The following NBEA variants were observed in gnomAD, a reference collection of about 807,000 sequenced individuals.
NBEA encodes the protein lysosomal-trafficking regulator 2.
A neutral mutation model predicts 343.4 loss-of-function variants in NBEA; 44 were observed. That is an observed-to-expected ratio of 0.13 (90% CI 0.10 to 0.16). The LOEUF is 0.16. Ranked by LOEUF, NBEA falls within the 10% of genes least tolerant of loss-of-function variation. NBEA has a pLI of 1.00. For missense variants in NBEA, 2,555 were observed against 3,631.3 expected (o/e 0.70, Z 7.62); for synonymous variants, 1,175 against 1,238.7 (o/e 0.95, Z 1.08).
chr13:35,341,816 G>C (rs1239709926), intron 36 of NBEA, among the ~76,000 whole-genome samples: 1 of 152,002 alleles, frequency 6.6e-6, no homozygotes, highest in African/African-American at 2.4e-5. Flanking sequence ...AAAGAGTTTG[G>C]CTGTTACTCG....
intron 34 of NBEA, among the ~76,000 whole-genome samples, chr13:35,240,508 A>T (rs1214359203): frequency 6.6e-6 from 1 of 151,946 alleles, no homozygotes; most frequent in Non-Finnish European, 1.5e-5. Context: ...TTAAATCTGT[A>T]TATTCAACGT....
At chr13:35,475,780 G>A in intron 41 of NBEA, 1 of 1,613,896 alleles carries the variant, frequency 6.2e-7, no homozygotes, top group Non-Finnish European at 8.5e-7. Context: ...GAGGTAGCCG[G>A]AGGCGGTAAT....
chr13:35,413,779 A>G (rs2043731800), intron 38 of NBEA, among the ~76,000 whole-genome samples: 1 of 152,130 alleles, frequency 6.6e-6, no homozygotes, highest in African/African-American at 2.4e-5. Flanking sequence ...GTATAGCCAC[A>G]CTCATGAACA....
intron 1 of NBEA, among the ~76,000 whole-genome samples, chr13:34,993,687 G>C (rs2060838898): frequency 6.6e-6 from 1 of 152,158 alleles, no homozygotes; most frequent in Admixed American, 6.5e-5. Context: ...ACAACATAGA[G>C]TAGTGCCGAC....
intron 48 of NBEA, among the ~76,000 whole-genome samples, chr13:35,614,456 T>C (rs959767138): frequency 2.6e-5 from 4 of 152,326 alleles, no homozygotes; most frequent in Non-Finnish European, 5.9e-5. Context: ...CCAATGAAAA[T>C]TGGTTGTTTA....
At chr13:35,300,653 A>G (rs1321996544) in intron 35 of NBEA, among the ~76,000 whole-genome samples, 2 of 152,148 alleles carry the variant, frequency 1.3e-5, no homozygotes, top group African/African-American at 2.4e-5. Flanking sequence ...CCTTACTCCT[A>G]TGGAAAAGGG....
intron 35 of NBEA, among the ~76,000 whole-genome samples, chr13:35,295,839 CA>C (rs1357379511): frequency 1.3e-5 from 2 of 152,200 alleles, no homozygotes; most frequent in Admixed American, 1.3e-4. Flanking sequence ...GCATATAATT[CA>C]AATTACTTTT....
intron 10 of NBEA, among the ~76,000 whole-genome samples, chr13:35,092,960 T>C (rs911025409): frequency 1.3e-5 from 2 of 152,000 alleles, no homozygotes; most frequent in Admixed American, 1.3e-4. Context: ...TACAAATGAA[T>C]GGGTATACAA....
At chr13:35,308,054 A>T (rs1228723817) in intron 35 of NBEA, among the ~76,000 whole-genome samples, 3 of 151,884 alleles carry the variant, frequency 2.0e-5, no homozygotes, top group Non-Finnish European at 4.4e-5. Context: ...TCCTTGGGAG[A>T]TTCAGGATTT....
chr13:34,986,907 C>G (rs1197732232), intron 1 of NBEA, among the ~76,000 whole-genome samples: 1 of 150,842 alleles, frequency 6.6e-6, no homozygotes, highest in Admixed American at 6.6e-5. Flanking sequence ...CTCTGTGTGT[C>G]TCTGCACATG....
At chr13:34,971,948 A>G (rs746998787) in intron 1 of NBEA, among the ~76,000 whole-genome samples, 1 of 151,998 alleles carries the variant, frequency 6.6e-6, no homozygotes, top group African/African-American at 2.4e-5. Context: ...GTCTGGTAGA[A>G]TTCAGCTGTG....
chr13:35,478,293 A>C (rs1035201674), intron 41 of NBEA, among the ~76,000 whole-genome samples: 2 of 152,232 alleles, frequency 1.3e-5, no homozygotes, highest in African/African-American at 4.8e-5. Flanking sequence ...TCTATTTCCC[A>C]AGAACCTTCC....
At chr13:35,199,397 A>G (rs568429825) in intron 31 of NBEA, among the ~76,000 whole-genome samples, 129 of 152,282 alleles carry the variant, frequency 8.5e-4, no homozygotes, top group Middle Eastern at 6.8e-3. Context: ...CACAGAATCT[A>G]TCATGGGTCT....
chr13:35,054,006 C>T (rs2063155898), intron 6 of NBEA, among the ~76,000 whole-genome samples: 2 of 152,010 alleles, frequency 1.3e-5, no homozygotes, highest in African/African-American at 4.8e-5. Context: ...AGTACATTAT[C>T]TGGAGTAGTA....
intron 49 of NBEA, among the ~76,000 whole-genome samples, chr13:35,640,571 T>A (rs533531456): frequency 6.6e-6 from 1 of 152,208 alleles, no homozygotes; most frequent in Non-Finnish European, 1.5e-5. Context: ...GGGACTCCCA[T>A]GAAGATGTCA....
intron 46 of NBEA, among the ~76,000 whole-genome samples, chr13:35,591,438 A>G (rs1483119339): frequency 6.6e-6 from 1 of 152,084 alleles, no homozygotes; most frequent in South Asian, 2.1e-4. Flanking sequence ...TTCTAACTTA[A>G]TTTCACTAAC....
intron 44 of NBEA, among the ~76,000 whole-genome samples, chr13:35,564,602 G>A (rs1419876076): frequency 1.3e-5 from 2 of 152,128 alleles, no homozygotes; most frequent in African/African-American, 2.4e-5. Flanking sequence ...TATTGGTACT[G>A]TTTTAGCAGA....
chr13:35,116,214 A>G (rs2066484233), intron 13 of NBEA, among the ~76,000 whole-genome samples: 1 of 152,170 alleles, frequency 6.6e-6, no homozygotes, highest in South Asian at 2.1e-4. Flanking sequence ...TAAATGCTCA[A>G]AATCAGGACC....
chr13:35,290,292 AG>A (rs1173371662), intron 34 of NBEA, 96 bp from the exon 35 acceptor site: 34 of 755,230 alleles, frequency 4.5e-5, no homozygotes, highest in Non-Finnish European at 2.2e-5. Context: ...TTTAAAAGAA[AG>A]TTTTTTTTAT....
Sources: allele counts gnomAD v4.1 joint callset (sites outside exome capture counted in the v4.1 genomes callset), GRCh38; gene constraint gnomAD v4.1.1; transcripts MANE v1.5; gene names NCBI Gene and HGNC (gene_info 2026-07-23, HGNC 2026-07-21).